Variants in ODF2 observed in about 807,000 individuals in gnomAD.
The protein encoded by ODF2 is outer dense fiber protein 2.
A neutral mutation model predicts 110.2 loss-of-function variants in ODF2; 47 were observed. The ratio of observed to expected loss-of-function variants is 0.43; its 90% CI spans 0.34 to 0.54. The LOEUF (loss-of-function observed/expected upper bound fraction) is 0.54, where lower values mean the gene tolerates loss of function less well. ODF2 is among the 20% of genes least tolerant of loss of function. The probability of loss-of-function intolerance (pLI) is 0.03; values close to 1 mark genes in which losing one functional copy is unlikely to be tolerated. For synonymous variants in ODF2, 352 were observed against 397.7 expected, an observed-to-expected ratio of 0.89 and a Z score of 1.37; for missense variants, 812 against 1,054.5, an observed-to-expected ratio of 0.77 and a Z score of 3.19.
At chr9:128,476,579 C>T (rs1588868939) in intron 8 of ODF2, among the ~76,000 whole-genome samples, 1 of 151,994 alleles carries the variant, frequency 6.6e-6, no homozygotes, top group Non-Finnish European at 1.5e-5. Context: ...TGAGCCACCA[C>T]ACCAAGCCCT....
exon 21 of ODF2, chr9:128,500,299 C>G: frequency 6.3e-7 from 1 of 1,598,206 alleles, no homozygotes; most frequent in Non-Finnish European, 8.6e-7. Context: ...GCCATAGGAA[C>G]TCCAGAGTTG....
chr9:128,457,516 G>A, intron 2 of ODF2: 3 of 1,467,782 alleles, frequency 2.0e-6, no homozygotes, highest in Non-Finnish European at 2.7e-6. Context: ...CTCGCCTGAG[G>A]CTTCCAGCTT....
At chr9:128,457,472 G>T in intron 2 of ODF2, 3 of 1,569,404 alleles carry the variant, frequency 1.9e-6, no homozygotes, top group Non-Finnish European at 2.6e-6. Context: ...GCGCCGGAGG[G>T]CAGGGAAAGG....
At chr9:128,476,133 G>A (rs993464504) in intron 8 of ODF2, among the ~76,000 whole-genome samples, 5 of 152,186 alleles carry the variant, frequency 3.3e-5, no homozygotes, top group African/African-American at 1.2e-4. Flanking sequence ...TGGACACTTA[G>A]GTTGATTCCG....
At chr9:128,497,443 A>T (rs1589008612) in intron 18 of ODF2, 1 of 84,300 alleles carries the variant, frequency 1.2e-5, no homozygotes, top group African/African-American at 7.6e-5. Context: ...AAAAAAAAAA[A>T]AAAATATATA....
intron 1 of ODF2, chr9:128,456,666 C>A: frequency 6.9e-7 from 1 of 1,459,762 alleles, no homozygotes. Context: ...TCGTCCTCTC[C>A]TCGGGCCTCC....
intron 1 of ODF2, chr9:128,456,776 G>GCCCC (rs1834944867): frequency 2.6e-6 from 2 of 774,670 alleles, no homozygotes; most frequent in South Asian, 4.3e-5. Context: ...GGTCCCGCCC[G>GCCCC]CCCCCTCCCA....
intron 4 of ODF2, among the ~76,000 whole-genome samples, chr9:128,464,961 C>T (rs1452348014): frequency 6.6e-6 from 1 of 151,900 alleles, no homozygotes; most frequent in Non-Finnish European, 1.5e-5. Flanking sequence ...TCCCAAAGTG[C>T]TGGTATTACA....
intron 10 of ODF2, among the ~76,000 whole-genome samples, chr9:128,483,189 A>G (rs1375774567): frequency 6.6e-6 from 1 of 151,992 alleles, no homozygotes; most frequent in Non-Finnish European, 1.5e-5. Flanking sequence ...CACTGCGCCC[A>G]GCCGCAGTTG....
chr9:128,462,607 T>G (rs1028473315), intron 4 of ODF2, among the ~76,000 whole-genome samples: 4 of 151,428 alleles, frequency 2.6e-5, no homozygotes, highest in African/African-American at 9.7e-5. Context: ...TTTTTTTGTT[T>G]TTTTTTTTTT....
At chr9:128,455,480 G>A, upstream of ODF2, 1 of 250,970 alleles carries the variant, frequency 4.0e-6, no homozygotes. Flanking sequence ...CGTGAACCCG[G>A]GAGGCGGAGG....
chr9:128,487,804 AACACAC>A (rs5900801), intron 13 of ODF2, 80 bp from the exon 14 acceptor site: 9 of 78,838 alleles, frequency 1.1e-4, no homozygotes, highest in Admixed American at 7.6e-4. Flanking sequence ...AAACAAACAA[AACACAC>A]ACACACACAC....
chr9:128,492,559 C>A, intron 15 of ODF2, 23 bp downstream of exon 15: 1 of 1,573,176 alleles, frequency 6.4e-7, no homozygotes, highest in Non-Finnish European at 8.7e-7. Context: ...GGGGCCCTGG[C>A]CCTTCTGAGC....
intron 17 of ODF2, among the ~76,000 whole-genome samples, chr9:128,495,210 T>C (rs1471770470): frequency 6.6e-6 from 1 of 152,262 alleles, no homozygotes; most frequent in East Asian, 1.9e-4. Context: ...GCAAGGCCCC[T>C]TTCCCACTCT....
At chr9:128,489,079 G>T (rs946732898) in intron 14 of ODF2, among the ~76,000 whole-genome samples, 1 of 152,160 alleles carries the variant, frequency 6.6e-6, no homozygotes, top group Non-Finnish European at 1.5e-5. Context: ...CCAAGATTTT[G>T]CCCTAGGAAG....
chr9:128,498,984 G>A lies in ODF2; in HGVS notation c.2176-17G>A. On this transcript the variant is annotated splice_polypyrimidine_tract_variant and intron_variant, in intron 19 of 20. Transcript: ENST00000604420. ...GTCCGGTAAACCAGTCTCATGTCTGGGCCTTTGAATGTGCAGGTGGAACAA... is the reference window on the plus strand; with the variant it reads ...GTCCGGTAAACCAGTCTCATGTCTGAGCCTTTGAATGTGCAGGTGGAACAA... 6.2e-7 allele frequency: 1 copy of A among 1,613,846 alleles called. No individual in the cohort carries two copies. The highest frequency in any genetic ancestry group is 2.2e-5 in the East Asian group (1 of 44,886).
chr9:128,472,188 G>A (rs571291756), intron 6 of ODF2, among the ~76,000 whole-genome samples: 3 of 152,140 alleles, frequency 2.0e-5, no homozygotes, highest in Non-Finnish European at 4.4e-5. Flanking sequence ...GCTGAGGCAG[G>A]AGAACTGCTT....
chr9:128,462,765 A>G (rs1361987835), intron 4 of ODF2, among the ~76,000 whole-genome samples: 1 of 151,802 alleles, frequency 6.6e-6, no homozygotes, highest in Non-Finnish European at 1.5e-5. Context: ...ATGCCCGGCT[A>G]ATTTTTTATG....
intron 9 of ODF2, 42 bp from the exon 10 acceptor site, chr9:128,482,774 T>C: frequency 1.3e-6 from 2 of 1,552,308 alleles, no homozygotes; most frequent in South Asian, 2.3e-5. Context: ...CGGGCCTCTT[T>C]GCCCTTCCCA....
Sources: gnomAD v4.1 joint callset for allele counts (sites outside exome capture counted in the v4.1 genomes callset) on GRCh38, gnomAD v4.1.1 for gene constraint, MANE v1.5 for transcripts, NCBI Gene and HGNC (gene_info 2026-07-23, HGNC 2026-07-21) for gene names.